Variants in EDAR observed in about 807,000 individuals in gnomAD.
EDAR encodes tumor necrosis factor receptor superfamily member EDAR.
Under a neutral mutation model 51.3 loss-of-function variants are expected in EDAR, and 38 were observed. The observed-to-expected ratio is 0.74, with a 90% CI of 0.57 to 0.97. The LOEUF (loss-of-function observed/expected upper bound fraction) is 0.97. Among genes scored for constraint, EDAR ranks in the 50% least tolerant of loss-of-function variants. EDAR has a pLI of 0.00. For missense variants in EDAR, 528 were observed against 595.0 expected, an observed-to-expected ratio of 0.89 and a Z score of 1.17; for synonymous variants, 227 against 242.1, an observed-to-expected ratio of 0.94 and a Z score of 0.58.
At position 108,907,846 on chromosome 2, in the gene EDAR, T is replaced by A; in HGVS notation, c.963+14A>T. 1 of 1,613,340 alleles carries A rather than the reference T, an allele frequency of 6.2e-7. No homozygotes were observed. Among genetic ancestry groups the A allele is most frequent in the Non-Finnish European group, 8.5e-7 (1 of 1,179,990 alleles). On this transcript the variant is annotated intron_variant, in intron 10 of 11. Coordinates refer to ENST00000258443, the MANE Select transcript of EDAR (RefSeq NM_022336.4). ...ACATCTCACAGCTCATCATGGCACC[T>A]GCAGGAGCCTCACCCCGGCTGACTT...
intron 4 of EDAR, among the ~76,000 whole-genome samples, chr2:108,924,752 A>G (rs890661166): frequency 1.3e-5 from 2 of 152,096 alleles, no homozygotes; most frequent in Non-Finnish European, 2.9e-5. Flanking sequence ...CAATCTCAAA[A>G]CACCTCCCAG....
chr2:108,908,202 C>T (rs566060138), intron 9 of EDAR, among the ~76,000 whole-genome samples, 183 bp from the exon 10 acceptor site: 1 of 152,188 alleles, frequency 6.6e-6, no homozygotes, highest in East Asian at 1.9e-4. Flanking sequence ...AGACATACAC[C>T]GGTGGCTTCC....
intron 4 of EDAR, among the ~76,000 whole-genome samples, chr2:108,925,408 C>T (rs548226778): frequency 6.6e-6 from 1 of 152,346 alleles, no homozygotes; most frequent in East Asian, 1.9e-4. Flanking sequence ...GGATGCACAA[C>T]ACCCGGCTTT....
chr2:108,913,108 C>A (rs543216407), intron 5 of EDAR, among the ~76,000 whole-genome samples: 1 of 152,048 alleles, frequency 6.6e-6, no homozygotes, highest in Non-Finnish European at 1.5e-5. Context: ...ACCACCACAC[C>A]TGGCTAATTT....
chr2:108,982,084 A>C (rs535796836), intron 1 of EDAR, among the ~76,000 whole-genome samples: 2 of 152,360 alleles, frequency 1.3e-5, no homozygotes, highest in South Asian at 2.1e-4. Flanking sequence ...CAATTTGGCT[A>C]TCTCTCCTAT....
intron 9 of EDAR, among the ~76,000 whole-genome samples, chr2:108,909,980 TGGAG>T (rs1328449894): frequency 6.6e-6 from 1 of 152,166 alleles, no homozygotes; most frequent in African/African-American, 2.4e-5. Context: ...TCCTGGGCTG[TGGAG>T]GGAGGATGTG....
intron 5 of EDAR, among the ~76,000 whole-genome samples, chr2:108,918,471 G>A (rs780706178): frequency 6.6e-6 from 1 of 152,220 alleles, no homozygotes; most frequent in African/African-American, 2.4e-5. Context: ...GTACACTTCC[G>A]TGTGCACCTG....
rs561145311 is a variant in EDAR, at chr2:108,959,927, T to C, written c.-18-28895A>G. 3.9e-5 allele frequency among the ~76,000 whole-genome samples: 6 copies of C among 152,318 alleles called. No homozygotes were observed. The South Asian group carries it at 1.0e-3, about 26-fold the overall frequency. On this transcript the variant is annotated intron_variant, in intron 1 of 11. Transcript: ENST00000258443. ...CACTTGCCCTACACAACATTCTCCA[T>C]CCTAGACCATGTTACACAGTGCTAT...
At chr2:108,936,789 C>T (rs1417580572) in intron 1 of EDAR, among the ~76,000 whole-genome samples, 18 of 152,226 alleles carry the variant, frequency 1.2e-4, no homozygotes, top group Admixed American at 1.2e-3. Context: ...GGGATGCATT[C>T]TCTTTCCACT....
rs190338354 is a variant in EDAR at position 108,945,212 on chromosome 2, T to C, written c.-18-14180A>G. ...AGCTTGGGTGGGGGCGAGCTCCCCGTCCTGGGGCACTGTATATTCCAGGGG... is the reference window on the plus strand; with the variant it reads ...AGCTTGGGTGGGGGCGAGCTCCCCGCCCTGGGGCACTGTATATTCCAGGGG... On this transcript the variant is annotated intron_variant, in intron 1 of 11. Coordinates refer to ENST00000258443, the MANE Select transcript of EDAR (RefSeq NM_022336.4). Among the ~76,000 whole-genome samples the C allele has an allele frequency of 2.5e-4, 38 of 152,270 alleles. No individual in the cohort carries two copies. The East Asian group carries it at 6.6e-3, about 26-fold the overall frequency.
intron 1 of EDAR, among the ~76,000 whole-genome samples, chr2:108,965,543 AG>A (rs1396458578): frequency 3.3e-5 from 5 of 151,986 alleles, no homozygotes; most frequent in Non-Finnish European, 7.4e-5. Context: ...CATTACAGAC[AG>A]GAAGATCCTT....
chr2:108,967,396 T>C (rs1175156328), intron 1 of EDAR, among the ~76,000 whole-genome samples: 1 of 152,092 alleles, frequency 6.6e-6, no homozygotes, highest in Non-Finnish European at 1.5e-5. Flanking sequence ...CTGTAGAAAA[T>C]GGTTTGAGGG....
intron 6 of EDAR, among the ~76,000 whole-genome samples, 159 bp from the exon 7 acceptor site, chr2:108,911,231 C>T (rs560153901): frequency 1.6e-4 from 25 of 152,192 alleles, no homozygotes; most frequent in African/African-American, 5.5e-4. Context: ...CCAAATCCTC[C>T]GCGCTGGTTT....
intron 1 of EDAR, among the ~76,000 whole-genome samples, chr2:108,940,954 ACC>A (rs1697582215): frequency 6.6e-6 from 1 of 151,920 alleles, no homozygotes; most frequent in Non-Finnish European, 1.5e-5. Context: ...ACGTATATAC[ACC>A]CCCTGTGGCT....
At chr2:108,921,190 A>T (rs1697131541) in intron 5 of EDAR, among the ~76,000 whole-genome samples, 1 of 152,074 alleles carries the variant, frequency 6.6e-6, no homozygotes, top group African/African-American at 2.4e-5. Context: ...GTGCCTAGGC[A>T]TAGGGTTAGA....
chr2:108,921,100 C>T (rs921588528), intron 5 of EDAR, among the ~76,000 whole-genome samples: 7 of 152,172 alleles, frequency 4.6e-5, no homozygotes, highest in East Asian at 1.9e-4. Context: ...CTGCGAATCA[C>T]CCCCCTGAAA....
intron 1 of EDAR, among the ~76,000 whole-genome samples, chr2:108,944,979 G>T (rs1233755171): frequency 6.6e-6 from 1 of 152,180 alleles, no homozygotes; most frequent in Non-Finnish European, 1.5e-5. Flanking sequence ...AAAGGGCAAG[G>T]TTTCAGTGAT....
At chr2:108,938,009 T>C (rs1409188870) in intron 1 of EDAR, among the ~76,000 whole-genome samples, 1 of 152,194 alleles carries the variant, frequency 6.6e-6, no homozygotes, top group Non-Finnish European at 1.5e-5. Flanking sequence ...GAATAATAAA[T>C]ATAATGCATG....
chr2:108,943,371 T>C (rs1697646726), intron 1 of EDAR, among the ~76,000 whole-genome samples: 1 of 152,234 alleles, frequency 6.6e-6, no homozygotes, highest in Non-Finnish European at 1.5e-5. Flanking sequence ...CTTTCATTTC[T>C]GGCTCACCTC....
Sources: gnomAD v4.1 joint callset for allele counts (sites outside exome capture counted in the v4.1 genomes callset) on GRCh38, gnomAD v4.1.1 for gene constraint, MANE v1.5 for transcripts, NCBI Gene and HGNC (gene_info 2026-07-23, HGNC 2026-07-21) for gene names.